The following DNAI1 variants were observed in gnomAD, a reference collection of about 807,000 sequenced individuals.
DNAI1 encodes dynein axonemal intermediate chain 1.
DNAI1 carries 67 observed loss-of-function variants against 92.0 expected under a neutral mutation model. That is an observed-to-expected ratio of 0.73 (90% CI 0.60 to 0.89). The LOEUF is 0.89. DNAI1 is among the 40% of genes least tolerant of loss of function. The probability of loss-of-function intolerance (pLI) is 0.00; values close to 1 mark genes in which losing one functional copy is unlikely to be tolerated. For synonymous variants in DNAI1, 323 were observed against 319.6 expected, an observed-to-expected ratio of 1.01 and a Z score of -0.11; for missense variants, 839 against 866.6, an observed-to-expected ratio of 0.97 and a Z score of 0.40.
chr9:34,508,323 C>G (rs1028012952), intron 13 of DNAI1, among the ~76,000 whole-genome samples: 1 of 152,192 alleles, frequency 6.6e-6, no homozygotes, highest in African/African-American at 2.4e-5. Flanking sequence ...TCAGCTTTAT[C>G]CTTTACCCAG....
intron 12 of DNAI1, among the ~76,000 whole-genome samples, chr9:34,505,811 TAGCCTTCCACCTCTCC>T (rs1000730619): frequency 6.6e-6 from 1 of 152,236 alleles, no homozygotes; most frequent in African/African-American, 2.4e-5. Flanking sequence ...GGGGCTGCAC[TAGCCTTCCACCTCTCC>T]AGCTTCGGCT....
At chr9:34,489,570 C>A in intron 5 of DNAI1, 121 bp downstream of exon 5, 2 of 1,264,968 alleles carry the variant, frequency 1.6e-6, no homozygotes, top group Non-Finnish European at 2.3e-6. Context: ...AAACTCCAGG[C>A]CGGGCAGGGT....
chr9:34,511,461 A>G (rs1411068572), intron 13 of DNAI1, among the ~76,000 whole-genome samples: 1 of 152,084 alleles, frequency 6.6e-6, no homozygotes, highest in African/African-American at 2.4e-5. Context: ...TCCTAGAGAA[A>G]GGCCAAGCCT....
intron 15 of DNAI1, 110 bp from the exon 16 acceptor site, chr9:34,513,002 T>G: frequency 1.1e-6 from 1 of 899,072 alleles, no homozygotes; most frequent in Non-Finnish European, 1.9e-6. Context: ...TGTCCTGCGC[T>G]GAGTCCTGCG....
At position 34,489,360 on chromosome 9, in the gene DNAI1, T is replaced by A. The variant is rs894465418; in HGVS notation, c.299T>A (p.Leu100Gln). 2.5e-6 allele frequency: 4 copies of A among 1,614,044 alleles called. No homozygotes were observed. The highest frequency in any genetic ancestry group is 1.3e-5 in the African/African-American group (1 of 75,042). The change falls in exon 5 of 20, where the codon CTG becomes CAG. Residue 100 changes from leucine to glutamine, a missense_variant. Coordinates refer to ENST00000242317, the MANE Select transcript of DNAI1 (RefSeq NM_012144.4). ...TYKPIGFVNQ[L>Q]AVHYTQVGNL... ...AAGCCTATTGGCTTTGTGAACCAAC[T>A]GGCAGTTCACTACACCCAGGTTGGG...
rs541957051 is a variant in DNAI1 at position 34,482,082 on chromosome 9, C to G, written c.49-1366C>G. Among the ~76,000 whole-genome samples the G allele has an allele frequency of 2.6e-5, 4 of 152,356 alleles. No homozygotes were observed. The East Asian group carries it at 7.7e-4, about 29-fold the overall frequency. The stretch of plus-strand genomic sequence containing the variant: ...ACCTCCCCATCAGATTAGTTAGATA[C>G]AGAGTTTCCACACACAGGTTCTCCA... On this transcript the variant is annotated intron_variant, in intron 1 of 19. Coordinates refer to ENST00000242317, the MANE Select transcript of DNAI1 (RefSeq NM_012144.4).
At chr9:34,501,055 C>A in intron 11 of DNAI1, 83 bp from the exon 12 acceptor site, 1 of 1,185,274 alleles carries the variant, frequency 8.4e-7, no homozygotes, top group Non-Finnish European at 1.3e-6. Flanking sequence ...TATATTTAGG[C>A]ACCAGTGCCA....
At chr9:34,490,233 G>A in intron 6 of DNAI1, 109 bp downstream of exon 6, 2 of 1,607,556 alleles carry the variant, frequency 1.2e-6, no homozygotes, top group African/African-American at 1.3e-5. Flanking sequence ...GAGAATAGAG[G>A]CTGCAGGTGC....
At chr9:34,508,506 G>C (rs1255249515) in intron 13 of DNAI1, among the ~76,000 whole-genome samples, 1 of 152,138 alleles carries the variant, frequency 6.6e-6, no homozygotes, top group Non-Finnish European at 1.5e-5. Context: ...TCCAGGCAGG[G>C]AAGGATCTCT....
intron 1 of DNAI1, among the ~76,000 whole-genome samples, chr9:34,461,407 G>A (rs1241490913): frequency 1.3e-5 from 2 of 152,158 alleles, no homozygotes; most frequent in Non-Finnish European, 2.9e-5. Flanking sequence ...CAAGATATAG[G>A]ATACTTTCTC....
chr9:34,468,282 C>T lies in DNAI1; in HGVS notation c.48+9229C>T, dbSNP rs183045745. Among the ~76,000 whole-genome samples the T allele has an allele frequency of 8.8e-4, 134 of 151,774 alleles. 1 individual carries two copies. The highest frequency in any genetic ancestry group is 6.2e-3 in the Admixed American group (95 of 15,274). ...CTGCAAGCTCCTCCTTCCAGGTTCA[C>T]GCCATTCTCCTGCCTCAGCCTCCCG... On this transcript the variant is annotated intron_variant, in intron 1 of 19. Transcript: ENST00000242317.
chr9:34,496,994 A>G, intron 9 of DNAI1, 121 bp from the exon 10 acceptor site: 1 of 799,722 alleles, frequency 1.3e-6, no homozygotes, highest in Non-Finnish European at 2.2e-6. Flanking sequence ...TTACAGAGCT[A>G]TCTGGGGTGA....
rs576968201 is a variant in DNAI1 at position 34,463,762 on chromosome 9, CAAG to C, written c.48+4711_48+4713del. On this transcript the variant is annotated intron_variant, in intron 1 of 19. Transcript: ENST00000242317. ...CATTTTGGATCATTTTGTGGTCTCTCAAGAGGCTCCTATGGTGCAATACTTTTA... is the reference window on the plus strand; with the variant it reads ...CATTTTGGATCATTTTGTGGTCTCTCAGGCTCCTATGGTGCAATACTTTTA... 2.2e-3 allele frequency among the ~76,000 whole-genome samples: 333 copies of C among 152,256 alleles called. 1 individual carries two copies. Among genetic ancestry groups the C allele is most frequent in the Non-Finnish European group, 3.9e-3 (268 of 68,016 alleles).
rs1160131333 is a variant in DNAI1 at position 34,485,474 on chromosome 9, A to G, written c.218A>G (p.Asn73Ser). ...KEEFTRILTANNPHAPQNIVR... is the reference protein window; with the variant it reads ...KEEFTRILTASNPHAPQNIVR... Reference sequence around the variant, plus strand: ...GAGTTCACTCGGATTTTGACAGCCAACAACCCACACGCACCCCAGAACATT... The same window carrying G: ...GAGTTCACTCGGATTTTGACAGCCAGCAACCCACACGCACCCCAGAACATT... Residue 73 changes from asparagine (N) to serine (S), a missense_variant, in exon 4 of 20, where the codon AAC becomes AGC. Asn to Ser is a conservative substitution (Grantham distance 46). Transcript: ENST00000242317. The G allele has an allele frequency of 6.2e-7, 1 of 1,614,192 alleles. No individual in the cohort carries two copies. The highest frequency in any genetic ancestry group is 1.7e-5 in the Admixed American group (1 of 60,026).
At chr9:34,486,214 C>G (rs59665516) in intron 4 of DNAI1, among the ~76,000 whole-genome samples, 2,985 of 152,230 alleles carry the variant, frequency 0.02, 87 homozygotes, top group East Asian at 0.12. Flanking sequence ...ATTCTGAGAC[C>G]CATTTGTTCC....
intron 9 of DNAI1, among the ~76,000 whole-genome samples, chr9:34,494,843 T>A (rs1225176342): frequency 1.3e-5 from 2 of 152,146 alleles, no homozygotes; most frequent in Non-Finnish European, 2.9e-5. Context: ...AATGCCTTGG[T>A]GTGCACCCTC....
intron 4 of DNAI1, chr9:34,488,200 T>G (rs1824510699): frequency 4.7e-6 from 1 of 211,924 alleles, no homozygotes. Context: ...AGTATTAGCC[T>G]TCTTTTATAG....
Position 34,515,552 on chromosome 9 carries a change from C to T in DNAI1, c.1818+813C>T, listed in dbSNP as rs1407354189. On this transcript the variant is annotated intron_variant, in intron 18 of 19. Coordinates refer to ENST00000242317, the MANE Select transcript of DNAI1 (RefSeq NM_012144.4). ...ATGTAAACATAAATGTTCATGGCAG[C>T]ATTACTCATAACAGTCAGAGTGGCA... Among the ~76,000 whole-genome samples the T allele has an allele frequency of 3.3e-5, 5 of 152,194 alleles. No homozygotes were observed. The East Asian group carries it at 9.6e-4, about 29-fold the overall frequency.
Position 34,514,655 on chromosome 9 carries a change from C to A in DNAI1, c.1734C>A (p.Ile578=). The A allele has an allele frequency of 6.2e-7, 1 of 1,614,206 alleles. No homozygotes were observed. Among genetic ancestry groups the A allele is most frequent in the Non-Finnish European group, 8.5e-7 (1 of 1,180,044 alleles). ...ACCTCTGCAGGACCCCGATGTTCAT[C>A]TATGACCTGAACTCAGCCGTGGGTG... is the stretch of plus-strand genomic sequence containing the variant. The part of the protein sequence containing the change: ...WDHTIKTPMF[I]YDLNSAVGDV... Residue 578 remains isoleucine, a synonymous_variant, in exon 18 of 20, where the codon ATC becomes ATA. Coordinates refer to ENST00000242317, the MANE Select transcript of DNAI1 (RefSeq NM_012144.4).
Sources: allele counts gnomAD v4.1 joint callset (sites outside exome capture counted in the v4.1 genomes callset), GRCh38; gene constraint gnomAD v4.1.1; transcripts MANE v1.5; gene names NCBI Gene and HGNC (gene_info 2026-07-23, HGNC 2026-07-21).